Variants in TENM3 observed in about 807,000 individuals in gnomAD.
The protein encoded by TENM3 is teneurin transmembrane protein 3, also known as teneurin-3.
TENM3 carries 63 observed loss-of-function variants against 255.1 expected under a neutral mutation model. The ratio of observed to expected loss-of-function variants is 0.25; its 90% CI spans 0.20 to 0.30. The LOEUF (loss-of-function observed/expected upper bound fraction) is 0.30. TENM3 is among the 10% of genes least tolerant of loss of function. The probability of loss-of-function intolerance (pLI) is 1.00; values close to 1 mark genes in which losing one functional copy is unlikely to be tolerated. For missense variants in TENM3, 2,929 were observed against 3,461.1 expected, an observed-to-expected ratio of 0.85 and a Z score of 3.86; for synonymous variants, 1,306 against 1,322.3, an observed-to-expected ratio of 0.99 and a Z score of 0.27.
At chr4:181,968,397 G>A in the TENM3 span, among the ~76,000 whole-genome samples, 1 of 152,196 alleles carries the variant, frequency 6.6e-6, no homozygotes, top group Non-Finnish European at 1.5e-5. Flanking sequence ...CTCGCCAGGT[G>A]AGGGTCATCT....
chr4:182,292,352 A>G (rs1332520161), intron 1 of TENM3, among the ~76,000 whole-genome samples: 1 of 152,122 alleles, frequency 6.6e-6, no homozygotes, highest in Non-Finnish European at 1.5e-5. Flanking sequence ...ATTCACCTCA[A>G]AAAAATGAAC....
the TENM3 span, among the ~76,000 whole-genome samples, chr4:181,502,248 A>G: frequency 1.3e-3 from 197 of 152,326 alleles, no homozygotes; most frequent in African/African-American, 3.9e-3. Flanking sequence ...AGTGAACCCA[A>G]TGTAAACTAT....
chr4:182,252,020 G>A (rs1053688730), intron 1 of TENM3, among the ~76,000 whole-genome samples: 1 of 151,766 alleles, frequency 6.6e-6, no homozygotes, highest in African/African-American at 2.4e-5. Flanking sequence ...CCATCTCTAC[G>A]AAAAATACAA....
chr4:181,654,541 G>A, the TENM3 span, among the ~76,000 whole-genome samples: 5 of 152,116 alleles, frequency 3.3e-5, no homozygotes, highest in East Asian at 5.8e-4. Context: ...ATCACCTGAG[G>A]TCAGGAGTTC....
At chr4:181,890,738 C>G in the TENM3 span, among the ~76,000 whole-genome samples, 1 of 152,188 alleles carries the variant, frequency 6.6e-6, no homozygotes, top group South Asian at 2.1e-4. Flanking sequence ...GGGCCCCAAC[C>G]ATTTGTATGG....
intron 3 of TENM3, among the ~76,000 whole-genome samples, chr4:182,520,414 T>C (rs545226628): frequency 6.6e-6 from 1 of 152,302 alleles, no homozygotes; most frequent in African/African-American, 2.4e-5. Flanking sequence ...AGCCCATAGA[T>C]GTGTATGTAT....
At chr4:182,592,699 A>G (rs1206867664) in intron 3 of TENM3, among the ~76,000 whole-genome samples, 1 of 134,544 alleles carries the variant, frequency 7.4e-6, no homozygotes, top group Admixed American at 7.8e-5. Flanking sequence ...TGGGCCACAG[A>G]GCAAGACTGT....
rs772260561 is a variant in TENM3 at position 182,688,281 on chromosome 4, C to G, written c.2151C>G (p.Ala717=). ...AGAGAGCCTGCCACCCCCGCTGTGC[C>G]GAGCACGGGACCTGCAAGGATGGCA... ...CNQRACHPRC[A]EHGTCKDGKC... Residue 717 remains alanine, a synonymous_variant, in exon 12 of 28, where the codon GCC becomes GCG. Transcript: ENST00000511685. 2.5e-6 allele frequency: 4 copies of G among 1,613,760 alleles called. No individual in the cohort carries two copies. Among genetic ancestry groups the G allele is most frequent in the Admixed American group, 1.7e-5 (1 of 59,992 alleles).
intron 3 of TENM3, among the ~76,000 whole-genome samples, chr4:182,398,745 A>G (rs1295621808): frequency 6.6e-6 from 1 of 152,238 alleles, no homozygotes; most frequent in African/African-American, 2.4e-5. Context: ...TAGTTGTGAC[A>G]AAAGCTAAGT....
chr4:181,737,127 A>G, the TENM3 span, among the ~76,000 whole-genome samples: 17 of 152,152 alleles, frequency 1.1e-4, no homozygotes, highest in African/African-American at 4.1e-4. Flanking sequence ...TCCATGGAAC[A>G]CCATGGCACC....
intron 3 of TENM3, among the ~76,000 whole-genome samples, chr4:182,598,799 G>A (rs1161523091): frequency 6.6e-6 from 1 of 152,172 alleles, no homozygotes; most frequent in African/African-American, 2.4e-5. Context: ...CCTGGATGGG[G>A]CAATAGTATT....
the TENM3 span, among the ~76,000 whole-genome samples, chr4:181,741,598 A>G: frequency 6.6e-6 from 1 of 152,198 alleles, no homozygotes; most frequent in African/African-American, 2.4e-5. Flanking sequence ...CTTTGGATGT[A>G]AGTTGGTAAA....
the TENM3 span, among the ~76,000 whole-genome samples, chr4:181,964,988 G>A: frequency 6.6e-6 from 1 of 152,086 alleles, no homozygotes; most frequent in African/African-American, 2.4e-5. Context: ...AGTGAAACAG[G>A]AACAATGGTT....
chr4:182,497,847 C>CATATATATATATATATATATATATAT (rs56170155), intron 3 of TENM3, among the ~76,000 whole-genome samples: 2 of 135,640 alleles, frequency 1.5e-5, no homozygotes, highest in Admixed American at 7.0e-5. Flanking sequence ...ACTAAAAATA[C>CATATATATATATATATATATATATAT]ATATATATAT....
At chr4:182,451,939 G>A (rs1362894498) in intron 3 of TENM3, among the ~76,000 whole-genome samples, 2 of 152,154 alleles carry the variant, frequency 1.3e-5, no homozygotes, top group Non-Finnish European at 2.9e-5. Context: ...AGATGTAAAT[G>A]CTAAATACAG....
chr4:181,670,895 G>A, the TENM3 span, among the ~76,000 whole-genome samples: 8,234 of 152,248 alleles, frequency 0.054, 315 homozygotes, highest in Middle Eastern at 0.085. Context: ...AAAAAAGCCA[G>A]CATTGCACAG....
At chr4:181,735,634 A>G in the TENM3 span, among the ~76,000 whole-genome samples, 5 of 152,302 alleles carry the variant, frequency 3.3e-5, no homozygotes, top group Non-Finnish European at 7.3e-5. Flanking sequence ...ACCCACCCAG[A>G]CATCTCTCTT....
At chr4:181,556,268 T>A in the TENM3 span, among the ~76,000 whole-genome samples, 2 of 152,200 alleles carry the variant, frequency 1.3e-5, no homozygotes, top group Non-Finnish European at 2.9e-5. Flanking sequence ...GACAGAATTT[T>A]TTTTTATATT....
the TENM3 span, among the ~76,000 whole-genome samples, chr4:182,087,777 C>A: frequency 1.3e-5 from 2 of 152,152 alleles, no homozygotes; most frequent in Non-Finnish European, 2.9e-5. Flanking sequence ...GGCATTTATT[C>A]ATTCATTTAT....
Sources: allele counts gnomAD v4.1 joint callset (sites outside exome capture counted in the v4.1 genomes callset), GRCh38; gene constraint gnomAD v4.1.1; transcripts MANE v1.5; gene names NCBI Gene and HGNC (gene_info 2026-07-23, HGNC 2026-07-21).